Variants in ANK1 observed in about 807,000 individuals in gnomAD.
ANK1 encodes ankyrin 1.
Under a neutral mutation model 210.4 loss-of-function variants are expected in ANK1, and 51 were observed. The observed-to-expected ratio is 0.24, with a 90% CI of 0.19 to 0.31. The LOEUF is 0.31. ANK1 is among the 10% of genes least tolerant of loss of function. The pLI, the probability that ANK1 is intolerant of heterozygous loss-of-function variation, is 1.00. For synonymous variants in ANK1, 967 were observed against 1,025.9 expected (o/e 0.94, Z 1.10); for missense variants, 2,051 against 2,504.4 (o/e 0.82, Z 3.86).
At chr8:41,829,323 A>G (rs1258896710) in intron 1 of ANK1, 1 of 152,228 alleles carries the variant, frequency 6.6e-6, no homozygotes, top group East Asian at 1.9e-4. Flanking sequence ...AAACCCGAGG[A>G]ACAGCGTCTT....
At chr8:41,763,889 CTTTTT>C (rs869100297) in intron 1 of ANK1, among the ~76,000 whole-genome samples, 6 of 57,814 alleles carry the variant, frequency 1.0e-4, no homozygotes, top group East Asian at 1.2e-3. Context: ...TTCTTTTTTT[CTTTTT>C]TTTTTTTTTT....
At chr8:41,772,966 G>A (rs1050611952) in intron 1 of ANK1, among the ~76,000 whole-genome samples, 1 of 152,124 alleles carries the variant, frequency 6.6e-6, no homozygotes, top group Non-Finnish European at 1.5e-5. Context: ...CAGGAGCATC[G>A]CTGTTGGGGA....
intron 1 of ANK1, among the ~76,000 whole-genome samples, chr8:41,869,200 T>A (rs78907212): frequency 0.076 from 11,269 of 147,744 alleles, 653 homozygotes; most frequent in East Asian, 0.26. Flanking sequence ...TTGGACCCGA[T>A]GGTCCCTTCC....
At chr8:41,684,038 C>T (rs1258054193) in intron 37 of ANK1, among the ~76,000 whole-genome samples, 2 of 152,222 alleles carry the variant, frequency 1.3e-5, no homozygotes, top group Non-Finnish European at 2.9e-5. Flanking sequence ...TAGAAGTGGC[C>T]ACAGCAGGAT....
intron 26 of ANK1, among the ~76,000 whole-genome samples, chr8:41,696,042 TG>T (rs1292185397): frequency 2.6e-5 from 4 of 152,230 alleles, no homozygotes; most frequent in Non-Finnish European, 5.9e-5. Context: ...ATTTAAGAGT[TG>T]TTTTTTTGGT....
At chr8:41,680,070 C>T (rs1815477508) in intron 37 of ANK1, among the ~76,000 whole-genome samples, 1 of 152,178 alleles carries the variant, frequency 6.6e-6, no homozygotes, top group African/African-American at 2.4e-5. Flanking sequence ...CCAGAAGTGG[C>T]ACACATCGCA....
At chr8:41,705,519 G>A (rs1353081558) in intron 18 of ANK1, among the ~76,000 whole-genome samples, 1 of 152,188 alleles carries the variant, frequency 6.6e-6, no homozygotes, top group Admixed American at 6.5e-5. Context: ...GGGAGCTCCT[G>A]GTACTGTCAC....
In ANK1 at chr8:41,714,913, T is replaced by A. The variant is rs938539786; in HGVS notation, c.1701+63A>T. ...AAGAGATGGAATCTGCAAGTGCTGA[T>A]GTCCATCCTCTGTCCTTGCCTCTAA... On this transcript the variant is annotated intron_variant, in intron 15 of 42. Coordinates refer to ENST00000289734, the MANE Select transcript of ANK1 (RefSeq NM_000037.4). 5.4e-6 allele frequency: 8 copies of A among 1,482,666 alleles called. No individual in the cohort carries two copies. In the African/African-American group the frequency reaches 1.1e-4, roughly 21 times the overall value. 91.8% of individuals were successfully genotyped at this position (1,482,666 alleles called of 1,614,324 possible).
At chr8:41,767,091 A>G (rs941242272) in intron 1 of ANK1, among the ~76,000 whole-genome samples, 1 of 151,876 alleles carries the variant, frequency 6.6e-6, no homozygotes, top group African/African-American at 2.4e-5. Flanking sequence ...CTGCCTCCCA[A>G]CCCCGGCTCC....
intron 1 of ANK1, among the ~76,000 whole-genome samples, chr8:41,839,275 C>A (rs765852816): frequency 2.6e-5 from 4 of 152,202 alleles, no homozygotes; most frequent in Non-Finnish European, 5.9e-5. Context: ...GAGGACTCTG[C>A]ATGCATTAAC....
intron 2 of ANK1, among the ~76,000 whole-genome samples, chr8:41,740,199 T>C (rs1412450906): frequency 6.6e-6 from 1 of 151,232 alleles, no homozygotes; most frequent in African/African-American, 2.4e-5. Flanking sequence ...TCACTCTCAT[T>C]GCCCAGGCTG....
chr8:41,723,769 T>C lies in ANK1; in HGVS notation c.712-136A>G, dbSNP rs2099861. On this transcript the variant is annotated intron_variant, in intron 7 of 42. Coordinates refer to ENST00000289734, the MANE Select transcript of ANK1 (RefSeq NM_000037.4). ...TTGTCAGGGCATTTCTGGCCTAAGA[T>C]ATTTTATTTTTTTTTATTTTTTATT... The C allele has an allele frequency of 0.64, 387,236 of 604,438 alleles. 126,297 individuals are homozygous for C. Among genetic ancestry groups the C allele is most frequent in the African/African-American group, 0.79 (42,135 of 53,196 alleles). The allele number at this position is 604,438 out of a possible 1,614,324, so 37.4% of individuals were successfully genotyped here.
chr8:41,802,373 A>ATG (rs1480413916), upstream of ANK1, among the ~76,000 whole-genome samples: 3 of 152,136 alleles, frequency 2.0e-5, no homozygotes, highest in African/African-American at 7.2e-5. Context: ...GATTTTTACT[A>ATG]TGTGGATAAT....
intron 1 of ANK1, among the ~76,000 whole-genome samples, chr8:41,809,752 G>A (rs1051543398): frequency 4.6e-5 from 7 of 152,222 alleles, no homozygotes; most frequent in African/African-American, 1.7e-4. Context: ...GAGTGACAGA[G>A]TGAGACCCCA....
chr8:41,665,242 C>G (rs1386661216), intron 39 of ANK1: 1 of 1,514,564 alleles, frequency 6.6e-7, no homozygotes, highest in Non-Finnish European at 8.8e-7. Flanking sequence ...GCCCAAGTGC[C>G]CTTCTGCCCA....
At chr8:41,860,129 G>T (rs1318592006) in intron 1 of ANK1, among the ~76,000 whole-genome samples, 2 of 152,200 alleles carry the variant, frequency 1.3e-5, no homozygotes, top group African/African-American at 4.8e-5. Context: ...CCACTGGGGT[G>T]GGGGCTGGAG....
At chr8:41,835,558 G>A (rs536088063) in intron 1 of ANK1, among the ~76,000 whole-genome samples, 3 of 152,176 alleles carry the variant, frequency 2.0e-5, no homozygotes, top group Admixed American at 6.5e-5. Context: ...AGAGGCTTCC[G>A]CAGAAAACAT....
intron 1 of ANK1, among the ~76,000 whole-genome samples, chr8:41,813,329 T>C (rs181477249): frequency 6.6e-6 from 1 of 152,148 alleles, no homozygotes; most frequent in Admixed American, 6.6e-5. Flanking sequence ...TGATTCCAAG[T>C]CAGAAAGGTG....
intron 1 of ANK1, among the ~76,000 whole-genome samples, chr8:41,769,959 C>CTTTTTTTTTTTTTTTTTTTT (rs985893689): frequency 8.7e-6 from 1 of 115,064 alleles, no homozygotes; most frequent in African/African-American, 3.3e-5. Flanking sequence ...TATATATCTT[C>CTTTTTTTTTTTTTTTTTTTT]TTTTTTTTTT....
Sources: allele counts gnomAD v4.1 joint callset (sites outside exome capture counted in the v4.1 genomes callset), GRCh38; gene constraint gnomAD v4.1.1; transcripts MANE v1.5; gene names NCBI Gene and HGNC (gene_info 2026-07-23, HGNC 2026-07-21).